The following ABLIM3 variants were observed in gnomAD, a reference collection of about 807,000 sequenced individuals.
ABLIM3 encodes the protein actin-binding LIM protein 3.
ABLIM3 carries 61 observed loss-of-function variants against 109.5 expected under a neutral mutation model. The observed-to-expected ratio is 0.56, with a 90% CI of 0.45 to 0.69. The LOEUF (loss-of-function observed/expected upper bound fraction) is 0.69, where lower values mean the gene tolerates loss of function less well. ABLIM3 is among the 30% of genes least tolerant of loss of function. ABLIM3 has a pLI of 0.00. For synonymous variants in ABLIM3, 300 were observed against 324.8 expected, an observed-to-expected ratio of 0.92 and a Z score of 0.82; for missense variants, 796 against 889.5, an observed-to-expected ratio of 0.89 and a Z score of 1.34.
chr5:149,229,439 G>C (rs2127543551), intron 8 of ABLIM3, among the ~76,000 whole-genome samples: 1 of 152,272 alleles, frequency 6.6e-6, no homozygotes, highest in Admixed American at 6.5e-5. Flanking sequence ...AGGAAACTGG[G>C]ACCCAGAGAG....
At chr5:149,250,662 G>T (rs1382446946) in intron 20 of ABLIM3, among the ~76,000 whole-genome samples, 157 bp downstream of exon 20, 1 of 152,154 alleles carries the variant, frequency 6.6e-6, no homozygotes, top group East Asian at 1.9e-4. Flanking sequence ...TCCCCTCCCT[G>T]GTGACCCCTT....
chr5:149,258,196 G>C, intron 23 of ABLIM3, 95 bp from the exon 24 acceptor site: 1 of 1,091,564 alleles, frequency 9.2e-7, no homozygotes, highest in East Asian at 2.5e-5. Flanking sequence ...GGAACATGCA[G>C]CACCCACTGC....
Position 149,153,465 on chromosome 5 carries a change from G to T in ABLIM3, c.13+11357G>T, listed in dbSNP as rs150364687. 2.8e-3 allele frequency among the ~76,000 whole-genome samples: 431 copies of T among 152,322 alleles called. 2 individuals carry two copies. Among genetic ancestry groups the T allele is most frequent in the African/African-American group, 0.01 (423 of 41,568 alleles). The stretch of plus-strand genomic sequence containing the variant: ...GGAGGAAGAGGTTAGGGGAGCAGGA[G>T]TTGGTCTCAAGTTCAGAAAGAGGCA... On this transcript the variant is annotated intron_variant, in intron 2 of 23. Coordinates refer to ENST00000309868, the MANE Select transcript of ABLIM3 (RefSeq NM_014945.5).
At position 149,198,378 on chromosome 5, in the gene ABLIM3, A is replaced by C; in HGVS notation, c.311A>C (p.Lys104Thr). 1 of 1,612,702 alleles carries C rather than the reference A, an allele frequency of 6.2e-7. No homozygotes were observed. The highest frequency in any genetic ancestry group is 8.5e-7 in the Non-Finnish European group (1 of 1,179,274). ...ISALGRTYHP[K>T]CFVCSLCRKP... ...GCCCTGGGCCGCACTTACCACCCCA[A>C]GTGCTTCGTGTGCAGCTTGTGCAGG... is the stretch of plus-strand genomic sequence containing the variant. Residue 104 changes from lysine to threonine, a missense_variant, in exon 4 of 24, where the codon AAG (lysine) becomes ACG (threonine). Lys to Thr is a moderately conservative substitution (Grantham distance 78, BLOSUM62 -1). Coordinates refer to ENST00000309868, the MANE Select transcript of ABLIM3 (RefSeq NM_014945.5). This position sits in a 1 kb window ranked among gnomAD's most constrained non-coding sequence, Gnocchi z 4.2.
chr5:149,172,843 A>G (rs930341212), intron 2 of ABLIM3, among the ~76,000 whole-genome samples: 9 of 152,260 alleles, frequency 5.9e-5, no homozygotes, highest in African/African-American at 2.2e-4. Flanking sequence ...ATAGAAAATT[A>G]TAACCGAAAG....
intron 8 of ABLIM3, among the ~76,000 whole-genome samples, chr5:149,223,021 A>G (rs899224440): frequency 6.6e-6 from 1 of 152,128 alleles, no homozygotes; most frequent in Non-Finnish European, 1.5e-5. Flanking sequence ...GATTTTTCAG[A>G]CATATTCTGT....
rs768354740 is a variant in ABLIM3, at chr5:149,244,846, G to T, written c.1352-35G>T. On this transcript the variant is annotated intron_variant, in intron 15 of 23. Transcript: ENST00000309868. ...TACACAGTCCCATCCCGGTCACTCT[G>T]CCTTCCTGAAGTGCTCTCCTTGGGT... The T allele has an allele frequency of 3.1e-6, 5 of 1,614,106 alleles. No individual in the cohort carries two copies. In the Admixed American group the frequency reaches 8.3e-5, roughly 27 times the overall value.
chr5:149,218,746 C>G (rs998092984), intron 8 of ABLIM3: 3 of 152,210 alleles, frequency 2.0e-5, no homozygotes, highest in African/African-American at 7.2e-5. Context: ...TCATAGGCAC[C>G]CAGGATTTCC....
chr5:149,200,493 GCA>G, intron 5 of ABLIM3, 65 bp downstream of exon 5: 1 of 1,538,846 alleles, frequency 6.5e-7, no homozygotes. Context: ...CCCTTTCCCA[GCA>G]CTGCCAACTG....
At position 149,237,608 on chromosome 5, in the gene ABLIM3, C is replaced by T. The variant is rs764468102; in HGVS notation, c.1044+5C>T. On this transcript the variant is annotated splice_donor_5th_base_variant and intron_variant, in intron 11 of 23. Transcript: ENST00000309868. ...GAGAGATGTGGCTATGGAGAGGTAT[C>T]GCATCTTGCCCTTCTCTCTGGGGCT... 3.7e-6 allele frequency: 6 copies of T among 1,613,830 alleles called. No individual in the cohort carries two copies. The highest frequency in any genetic ancestry group is 2.7e-5 in the African/African-American group (2 of 74,914).
chr5:149,249,726 G>A, intron 18 of ABLIM3, 89 bp from the exon 19 acceptor site: 9 of 1,525,164 alleles, frequency 5.9e-6, no homozygotes, highest in Non-Finnish European at 7.3e-6. Context: ...GATCGGGTAT[G>A]GAAGCCACAT....
chr5:149,246,446 C>A (rs1211053734), intron 16 of ABLIM3, 36 bp from the exon 17 acceptor site: 15 of 1,605,160 alleles, frequency 9.3e-6, no homozygotes, highest in Non-Finnish European at 1.3e-5. Flanking sequence ...GAGTGGGGTG[C>A]ACATGCCGGA....
In ABLIM3 at chr5:149,216,698, G is replaced by T. The variant is rs765621756; in HGVS notation, c.670-261G>T. 4 of 437,952 alleles carry T rather than the reference G, an allele frequency of 9.1e-6. No individual in the cohort carries two copies. In the East Asian group the frequency reaches 1.1e-4, roughly 12 times the overall value. The allele number at this position is 437,952 out of a possible 1,614,324, so 27.1% of individuals were successfully genotyped here. ...GGAAGTTGGACCAGTGGCCTCTCAA[G>T]TGTCCTTCCCAGTGTCAGAATAGAA... On this transcript the variant is annotated intron_variant, in intron 7 of 23. Transcript: ENST00000309868.
chr5:149,228,996 C>A (rs2127543098), intron 8 of ABLIM3, among the ~76,000 whole-genome samples: 1 of 152,324 alleles, frequency 6.6e-6, no homozygotes, highest in Admixed American at 6.5e-5. Context: ...AACTTAAGTT[C>A]ATGACCTCCT....
chr5:149,221,783 G>C (rs1760676794), intron 8 of ABLIM3, among the ~76,000 whole-genome samples: 1 of 152,046 alleles, frequency 6.6e-6, no homozygotes, highest in Admixed American at 6.6e-5. Flanking sequence ...AGATCAGTGA[G>C]AGTTTTTTTA....
At position 149,237,431 on chromosome 5, in the gene ABLIM3, A is replaced by G. The variant is rs374913579; in HGVS notation, c.889-17A>G. 1 of 1,611,442 alleles carries G rather than the reference A, an allele frequency of 6.2e-7. No individual in the cohort carries two copies. Among genetic ancestry groups the G allele is most frequent in the African/African-American group, 1.3e-5 (1 of 74,544 alleles). On this transcript the variant is annotated splice_polypyrimidine_tract_variant and intron_variant, in intron 10 of 23. Coordinates refer to ENST00000309868, the MANE Select transcript of ABLIM3 (RefSeq NM_014945.5). ...TTATCTTTCTATTCCTTTCCTGTCC[A>G]TTTCCCTCTTCCCTAGGCTAAAGTG...
chr5:149,172,876 A>T (rs1441201280), intron 2 of ABLIM3, among the ~76,000 whole-genome samples: 1 of 152,168 alleles, frequency 6.6e-6, no homozygotes, highest in Non-Finnish European at 1.5e-5. Context: ...ACAGAATGCA[A>T]CTCTTGTACT....
intron 3 of ABLIM3, among the ~76,000 whole-genome samples, chr5:149,193,148 C>G (rs1381388133): frequency 1.3e-5 from 2 of 152,238 alleles, no homozygotes; most frequent in African/African-American, 4.8e-5. Context: ...CTTGAACACA[C>G]TGACTTGATA....
rs1235280769 is a variant in ABLIM3 at position 149,173,979 on chromosome 5, G to A, written c.14-9473G>A. Reference sequence around the variant, plus strand: ...GGAGCTTGCAGTGAGCCGAGATCGCGCCACTGCACTCCAGCCTGGGCAACA... The same window carrying A: ...GGAGCTTGCAGTGAGCCGAGATCGCACCACTGCACTCCAGCCTGGGCAACA... On this transcript the variant is annotated intron_variant, in intron 2 of 23. Coordinates refer to ENST00000309868, the MANE Select transcript of ABLIM3 (RefSeq NM_014945.5). 5.1e-5 allele frequency among the ~76,000 whole-genome samples: 7 copies of A among 136,804 alleles called. No homozygotes were observed. In the East Asian group the frequency reaches 6.4e-4, roughly 12 times the overall value. The allele number at this position is 136,804 out of a possible 152,430, so 89.7% of individuals were successfully genotyped here. A position where few individuals can be genotyped will look rare whatever the true frequency, so the allele number is the denominator to read the frequency against.
Sources: allele counts gnomAD v4.1 joint callset (sites outside exome capture counted in the v4.1 genomes callset), GRCh38; gene constraint gnomAD v4.1.1; non-coding constraint Gnocchi (gnomAD v3.1); transcripts MANE v1.5; gene names NCBI Gene and HGNC (gene_info 2026-07-23, HGNC 2026-07-21).